Variants in TPD52L1 observed in about 807,000 individuals in gnomAD.
TPD52L1 encodes TPD52 like 1.
In TPD52L1, 18 loss-of-function variants were observed where a neutral mutation model predicts 28.7. That is an observed-to-expected ratio of 0.63 (90% CI 0.43 to 0.93). TPD52L1 has a LOEUF of 0.93. Ranked by LOEUF, TPD52L1 falls within the 40% of genes least tolerant of loss-of-function variation. TPD52L1 has a pLI of 0.00. For missense variants in TPD52L1, 203 were observed against 254.8 expected (o/e 0.80, Z 1.39); for synonymous variants, 75 against 88.8 (o/e 0.84, Z 0.88).
At chr6:125,215,804 CTAGAATA>C (rs1794824599) in intron 1 of TPD52L1, among the ~76,000 whole-genome samples, 4 of 152,148 alleles carry the variant, frequency 2.6e-5, no homozygotes, top group African/African-American at 4.8e-5. Flanking sequence ...TCTTTTCTTA[CTAGAATA>C]TAGAAGGTAC....
At chr6:125,198,450 G>C (rs923656367) in intron 1 of TPD52L1, among the ~76,000 whole-genome samples, 1 of 152,098 alleles carries the variant, frequency 6.6e-6, no homozygotes, top group Non-Finnish European at 1.5e-5. Flanking sequence ...TGCATGCATG[G>C]GGTAAGAGAG....
chr6:125,153,964 GCACAAGGTGAGTGGT>G lies in TPD52L1; in HGVS notation c.15_19+10del. The G allele has an allele frequency of 6.2e-7, 1 of 1,607,750 alleles. No individual in the cohort carries two copies. Among genetic ancestry groups the G allele is most frequent in the Non-Finnish European group, 8.5e-7 (1 of 1,178,326 alleles). ...GAAGTCAGCCACCATGGAGGCGCAG[GCACAAGGTGAGTGGT>G]CGCCGATCGCCCCGAGAGTCAGGTC... is the stretch of plus-strand genomic sequence containing the variant. On this transcript the variant is annotated splice_donor_variant and splice_donor_5th_base_variant and coding_sequence_variant and intron_variant, in exon 1 of 7. Transcript: ENST00000534000. LOFTEE classifies it high-confidence loss of function.
chr6:125,161,128 C>T (rs1198119292), intron 1 of TPD52L1, among the ~76,000 whole-genome samples: 2 of 152,220 alleles, frequency 1.3e-5, no homozygotes, highest in Non-Finnish European at 2.9e-5. Context: ...GCTGGGATTA[C>T]AGGCATGAGC....
At chr6:125,189,787 C>T (rs1311145343) in intron 1 of TPD52L1, among the ~76,000 whole-genome samples, 1 of 152,010 alleles carries the variant, frequency 6.6e-6, no homozygotes, top group African/African-American at 2.4e-5. Context: ...TGAAGGAACT[C>T]GATTTTATTT....
rs1171585498 is a variant in TPD52L1 at position 125,153,885 on chromosome 6, C to A, written c.-67C>A. The A allele has an allele frequency of 2.7e-5, 42 of 1,545,454 alleles. No individual in the cohort carries two copies. Among genetic ancestry groups the A allele is most frequent in the Non-Finnish European group, 3.6e-5 (41 of 1,149,998 alleles). On this transcript the variant is annotated 5_prime_UTR_variant, in exon 1 of 7. Coordinates refer to ENST00000534000, the MANE Select transcript of TPD52L1 (RefSeq NM_003287.4). ...GGGCCAGCTGCGTTCTGAGCCTGGG[C>A]GCAGCTGCCATCTGCTCTGGGAAGC...
chr6:125,243,825 C>A (rs1432042477), intron 3 of TPD52L1, among the ~76,000 whole-genome samples: 1 of 152,178 alleles, frequency 6.6e-6, no homozygotes, highest in East Asian at 1.9e-4. Context: ...GGTTTGGATC[C>A]ATTCCTAGGG....
At chr6:125,260,851 TGAGA>T (rs1165135448) in intron 6 of TPD52L1, among the ~76,000 whole-genome samples, 25 of 90,682 alleles carry the variant, frequency 2.8e-4, no homozygotes, top group African/African-American at 7.6e-4. Flanking sequence ...AGAAAGAAAG[TGAGA>T]GAGAGAAAGA....
intron 1 of TPD52L1, among the ~76,000 whole-genome samples, chr6:125,218,333 A>T (rs1795014877): frequency 6.6e-6 from 1 of 152,204 alleles, no homozygotes. Flanking sequence ...AGCATCAGTG[A>T]AGTCAAGCAT....
chr6:125,162,175 G>T (rs1003813086), intron 1 of TPD52L1, among the ~76,000 whole-genome samples: 2 of 152,062 alleles, frequency 1.3e-5, no homozygotes, highest in Admixed American at 6.6e-5. Context: ...CTGTAGTTTT[G>T]TTTCCTGTTT....
rs1053193482 is a variant in TPD52L1 at position 125,186,958 on chromosome 6, T to C, written c.19+32988T>C. On this transcript the variant is annotated intron_variant, in intron 1 of 6. Coordinates refer to ENST00000534000, the MANE Select transcript of TPD52L1 (RefSeq NM_003287.4). ...AATGCAAAGGTACAAAAGAAAAAAA[T>C]AGGCATTTTATCCTTTATGAAAATG... Among the ~76,000 whole-genome samples the C allele has an allele frequency of 2.6e-5, 4 of 152,104 alleles. No individual in the cohort carries two copies. In the East Asian group the frequency reaches 7.7e-4, roughly 29 times the overall value.
At chr6:125,172,551 T>TATATATATATAA (rs533258594) in intron 1 of TPD52L1, among the ~76,000 whole-genome samples, 2 of 83,836 alleles carry the variant, frequency 2.4e-5, no homozygotes, top group African/African-American at 1.1e-4. Flanking sequence ...TATATATATA[T>TATATATATATAA]AATATATATA....
At chr6:125,174,307 G>A (rs1019508688) in intron 1 of TPD52L1, among the ~76,000 whole-genome samples, 6 of 152,114 alleles carry the variant, frequency 3.9e-5, no homozygotes, top group African/African-American at 7.2e-5. Context: ...CCCTATTTTC[G>A]TTATAGCAGT....
intron 1 of TPD52L1, among the ~76,000 whole-genome samples, chr6:125,206,591 A>G (rs1007279500): frequency 6.6e-6 from 1 of 152,188 alleles, no homozygotes; most frequent in Non-Finnish European, 1.5e-5. Flanking sequence ...GACAGCCTAC[A>G]TGGCTTAGAG....
intron 1 of TPD52L1, among the ~76,000 whole-genome samples, chr6:125,188,747 C>T (rs1199825621): frequency 6.6e-6 from 1 of 152,196 alleles, no homozygotes; most frequent in Non-Finnish European, 1.5e-5. Flanking sequence ...AGTTTGAAAA[C>T]ATACTGCATC....
At chr6:125,219,906 G>C in intron 1 of TPD52L1, 172 bp from the exon 2 acceptor site, 1 of 661,168 alleles carries the variant, frequency 1.5e-6, no homozygotes, top group Non-Finnish European at 2.7e-6. Context: ...GGTATTCTTT[G>C]CTTTCTTGGA....
intron 1 of TPD52L1, among the ~76,000 whole-genome samples, chr6:125,156,463 CAAAA>C: frequency 2.7e-5 from 1 of 37,216 alleles, no homozygotes; most frequent in Non-Finnish European, 5.5e-5. Flanking sequence ...GACCTTGTCT[CAAAA>C]AAAAAAAAAA....
rs560793790 is a variant in TPD52L1, at chr6:125,161,684, C to G, written c.19+7714C>G. On this transcript the variant is annotated intron_variant, in intron 1 of 6. Transcript: ENST00000534000. The stretch of plus-strand genomic sequence containing the variant: ...GCTGGTGGAGCAGTCAGAACACACA[C>G]AGGATTTACTGGTTAAGGTCACCAT... 6.6e-5 allele frequency among the ~76,000 whole-genome samples: 10 copies of G among 152,266 alleles called. No individual in the cohort carries two copies. The South Asian group carries it at 1.2e-3, about 19-fold the overall frequency.
chr6:125,197,786 A>C (rs894475797), intron 1 of TPD52L1, among the ~76,000 whole-genome samples: 3 of 152,170 alleles, frequency 2.0e-5, no homozygotes, highest in African/African-American at 7.2e-5. Flanking sequence ...CATTACCTGA[A>C]ACAGCACAGG....
At chr6:125,160,631 C>T (rs536522599) in intron 1 of TPD52L1, among the ~76,000 whole-genome samples, 5 of 152,310 alleles carry the variant, frequency 3.3e-5, no homozygotes, top group South Asian at 2.1e-4. Flanking sequence ...TCAGCCTGTA[C>T]TTTGAAGTTT....
Sources: allele counts gnomAD v4.1 joint callset (sites outside exome capture counted in the v4.1 genomes callset), GRCh38; gene constraint gnomAD v4.1.1; transcripts MANE v1.5; gene names NCBI Gene and HGNC (gene_info 2026-07-23, HGNC 2026-07-21).